The following ERCC6L2 variants were observed in gnomAD, a reference collection of about 807,000 sequenced individuals.
The protein encoded by ERCC6L2 is ERCC excision repair 6 like 2.
In ERCC6L2, 77 loss-of-function variants were observed where a neutral mutation model predicts 132.0. That is an observed-to-expected ratio of 0.58 (90% CI 0.49 to 0.71). The LOEUF (loss-of-function observed/expected upper bound fraction) is 0.71, where lower values mean the gene tolerates loss of function less well. Among genes scored for constraint, ERCC6L2 ranks in the 30% least tolerant of loss-of-function variants. The probability of loss-of-function intolerance (pLI) is 0.00; values close to 1 mark genes in which losing one functional copy is unlikely to be tolerated. For synonymous variants in ERCC6L2, 583 were observed against 632.4 expected (o/e 0.92, Z 1.17); for missense variants, 1,542 against 1,837.6 (o/e 0.84, Z 2.94).
In ERCC6L2 at chr9:96,001,765, A is replaced by G. The variant is rs180678648; in HGVS notation, c.3493-2755A>G. Among the ~76,000 whole-genome samples the G allele has an allele frequency of 6.8e-3, 1,030 of 152,352 alleles. 7 individuals are homozygous for G. Among genetic ancestry groups the G allele is most frequent in the Non-Finnish European group, 0.011 (722 of 68,024 alleles). On this transcript the variant is annotated intron_variant, in intron 17 of 18. Transcript: ENST00000653738. ...TTGATGGGACTGGGCGCCGTGGAGC[A>G]GGGGGTGGCGCTCGTCGGGGAGGCT...
At position 96,012,851 on chromosome 9, in the gene ERCC6L2, C is replaced by G. The variant is rs1834079671; in HGVS notation, c.4301C>G (p.Ser1434Cys). ...KIENPVLENT[S>C]VISLLGDTSI... ...GAAAATCCAGTGCTGGAAAATACTT[C>G]TGTGATAAGCTTACTTGGTGATACC... Residue 1434 changes from serine to cysteine, a missense_variant, in exon 19 of 19, where the codon TCT becomes TGT. Physicochemically the swap from Ser to Cys is moderately radical, Grantham distance 112 (BLOSUM62 -1). This residue lies in a region of ERCC6L2 where 442 missense variants were observed against 583.4 expected (regional missense o/e 0.76). Coordinates refer to ENST00000653738, the MANE Select transcript of ERCC6L2 (RefSeq NM_020207.7). 1.5e-6 allele frequency: 2 copies of G among 1,367,478 alleles called. No homozygotes were observed. Among genetic ancestry groups the G allele is most frequent in the Non-Finnish European group, 2.0e-6 (2 of 1,021,842 alleles). 84.7% of individuals were successfully genotyped at this position (1,367,478 alleles called of 1,614,324 possible).
At chr9:96,027,282 G>C (rs555663819) in intron 19 of ERCC6L2, among the ~76,000 whole-genome samples, 83 of 152,232 alleles carry the variant, frequency 5.5e-4, no homozygotes, top group African/African-American at 1.9e-3. Flanking sequence ...TCTAGTTCCC[G>C]GCAAAGCAGG....
At chr9:95,919,233 A>G (rs759741506) in intron 6 of ERCC6L2, among the ~76,000 whole-genome samples, 1 of 152,224 alleles carries the variant, frequency 6.6e-6, no homozygotes, top group African/African-American at 2.4e-5. Context: ...GCATTGTTTT[A>G]TAGAGACATT....
intron 17 of ERCC6L2, among the ~76,000 whole-genome samples, chr9:95,996,594 T>C (rs1284918200): frequency 1.3e-5 from 2 of 152,190 alleles, no homozygotes; most frequent in Non-Finnish European, 2.9e-5. Context: ...AGCTGGGGAC[T>C]TTAAGTAGAA....
intron 13 of ERCC6L2, among the ~76,000 whole-genome samples, chr9:95,960,789 C>T (rs1338179374): frequency 3.9e-5 from 6 of 152,136 alleles, no homozygotes; most frequent in Admixed American, 3.9e-4. Context: ...CGTGCTACCA[C>T]ACCAAGCCAA....
intron 18 of ERCC6L2, among the ~76,000 whole-genome samples, chr9:96,008,020 G>C (rs951699189): frequency 1.3e-5 from 2 of 152,158 alleles, no homozygotes; most frequent in Non-Finnish European, 2.9e-5. Flanking sequence ...TGCAGTTGCA[G>C]AGAAAGGTGA....
At chr9:95,908,558 A>T (rs73534648) in intron 4 of ERCC6L2, among the ~76,000 whole-genome samples, 3,184 of 152,300 alleles carry the variant, frequency 0.021, 120 homozygotes, top group African/African-American at 0.074. Flanking sequence ...AAACCAATAC[A>T]AGGCTTTTAT....
chr9:95,999,056 T>C (rs1265451293), intron 17 of ERCC6L2, among the ~76,000 whole-genome samples: 1 of 152,164 alleles, frequency 6.6e-6, no homozygotes. Flanking sequence ...ATTGAGCCCA[T>C]GTTAAATAAG....
rs1046316490 is a variant in ERCC6L2, at chr9:96,013,633, T to A, written c.*430T>A. On this transcript the variant is annotated 3_prime_UTR_variant, in exon 19 of 19. Transcript: ENST00000653738. Reference sequence around the variant, plus strand: ...AATGGCTCATAGGCTGAATCATGTCTGCCCCTCAAATCAGGTGTATACCAA... The same window carrying A: ...AATGGCTCATAGGCTGAATCATGTCAGCCCCTCAAATCAGGTGTATACCAA... 4 of 155,850 alleles carry A rather than the reference T, an allele frequency of 2.6e-5. No homozygotes were observed. Among genetic ancestry groups the A allele is most frequent in the African/African-American group, 9.6e-5 (4 of 41,466 alleles). The allele number at this position is 155,850 out of a possible 1,614,324, so 9.7% of individuals were successfully genotyped here. A position where few individuals can be genotyped will look rare whatever the true frequency, so the allele number is the denominator to read the frequency against.
In ERCC6L2 at chr9:95,987,923, A is replaced by T. The variant is rs550349078; in HGVS notation, c.3492+9708A>T. Among the ~76,000 whole-genome samples the T allele has an allele frequency of 2.4e-3, 358 of 152,228 alleles. 2 individuals carry two copies. Among genetic ancestry groups the T allele is most frequent in the Middle Eastern group, 0.01 (3 of 294 alleles). ...GATGGTTCCCAAACCTCAGTTCTTG[A>T]CTTCTGTGCACCCATAGGCTCAACA... On this transcript the variant is annotated intron_variant, in intron 17 of 18. Coordinates refer to ENST00000653738, the MANE Select transcript of ERCC6L2 (RefSeq NM_020207.7).
chr9:95,966,680 C>T lies in ERCC6L2; in HGVS notation c.2066C>T (p.Ser689Phe), dbSNP rs775934318. The change falls in exon 14 of 19, where the codon TCC (serine) becomes TTC (phenylalanine). Residue 689 changes from serine to phenylalanine, a missense_variant. Physicochemically the swap from Ser to Phe is radical, Grantham distance 155 (BLOSUM62 -2). Coordinates refer to ENST00000653738, the MANE Select transcript of ERCC6L2 (RefSeq NM_020207.7). The part of the protein sequence containing the change: ...FGIHNLFKFR[S>F]QGSCLTKDIL... ...ATCCATAACCTCTTCAAATTTAGGT[C>T]CCAAGGGTCTTGTCTTACGAAGGAC... 1.3e-6 allele frequency: 2 copies of T among 1,503,352 alleles called. No homozygotes were observed. Among genetic ancestry groups the T allele is most frequent in the Non-Finnish European group, 1.8e-6 (2 of 1,105,956 alleles). 93.1% of individuals were successfully genotyped at this position (1,503,352 alleles called of 1,614,324 possible).
intron 1 of ERCC6L2, among the ~76,000 whole-genome samples, chr9:95,880,574 GAATCACTAGA>G (rs1340205722): frequency 3.3e-5 from 5 of 152,112 alleles, no homozygotes; most frequent in African/African-American, 1.2e-4. Flanking sequence ...CACTGAATAA[GAATCACTAGA>G]GGTGGTGTCT....
chr9:96,013,592 T>C lies in ERCC6L2; in HGVS notation c.*389T>C, dbSNP rs1201930809. On this transcript the variant is annotated 3_prime_UTR_variant, in exon 19 of 19. Coordinates refer to ENST00000653738, the MANE Select transcript of ERCC6L2 (RefSeq NM_020207.7). ...GAGTGTCCTTCCAGTTTAAAAAAGC[T>C]TTGCTTCGCTCTCCTAATGGCTCAT... 6.2e-6 allele frequency: 1 copy of C among 160,836 alleles called. No homozygotes were observed. The highest frequency in any genetic ancestry group is 1.4e-5 in the Non-Finnish European group (1 of 73,012). 10.0% of individuals were successfully genotyped at this position (160,836 alleles called of 1,614,324 possible).
rs1834077653 is a variant in ERCC6L2, at chr9:96,012,808, T to C, written c.4258T>C (p.Leu1420=). ...TTCAAGAAAAGAACCCCTTCTCAAA[T>C]TGGAAAACAAAAAGATAGAAAATCC... The part of the protein sequence containing the change: ...GISRKEPLLK[L]ENKKIENPVL... Residue 1420 remains leucine, a synonymous_variant, in exon 19 of 19, where the codon TTG becomes CTG. Coordinates refer to ENST00000653738, the MANE Select transcript of ERCC6L2 (RefSeq NM_020207.7). 2 of 1,367,512 alleles carry C rather than the reference T, an allele frequency of 1.5e-6. No homozygotes were observed. The highest frequency in any genetic ancestry group is 9.8e-7 in the Non-Finnish European group (1 of 1,021,818). 84.7% of individuals were successfully genotyped at this position (1,367,512 alleles called of 1,614,324 possible).
chr9:96,033,247 GGTT>G (rs1189811937), intron 19 of ERCC6L2, among the ~76,000 whole-genome samples: 1 of 121,382 alleles, frequency 8.2e-6, no homozygotes, highest in East Asian at 2.9e-4. Context: ...AATGATTCTG[GGTT>G]GTTTTTTTTT....
chr9:95,880,335 G>C (rs1358478749), intron 1 of ERCC6L2, among the ~76,000 whole-genome samples: 2 of 152,156 alleles, frequency 1.3e-5, no homozygotes, highest in African/African-American at 4.8e-5. Flanking sequence ...AAAAAAGACA[G>C]ATGAACCACA....
At position 96,017,462 on chromosome 9, in the gene ERCC6L2, T is replaced by A. The variant is rs955750953; in HGVS notation, c.*4259T>A. Among the ~76,000 whole-genome samples the A allele has an allele frequency of 1.3e-5, 2 of 152,112 alleles. No individual in the cohort carries two copies. Among genetic ancestry groups the A allele is most frequent in the Non-Finnish European group, 2.9e-5 (2 of 67,990 alleles). ...GGTTCCCAGCCCCAAGGGTAGCAAG[T>A]CAGAACCTCCGGAGAGGCTTTTAAG... On this transcript the variant is annotated 3_prime_UTR_variant, in exon 19 of 19. Transcript: ENST00000653738.
At position 95,897,955 on chromosome 9, in the gene ERCC6L2, C is replaced by A. The variant is rs751247643; in HGVS notation, c.578C>A (p.Ser193Tyr). Reference protein sequence around the residue: ...LLRSMKKEPLSSTAKKMFLIV... With the variant: ...LLRSMKKEPLYSTAKKMFLIV... ...AGAAGTATGAAAAAGGAACCCCTTT[C>A]TTCTACAGCAAAAAAGGTAAAATCT... is the stretch of plus-strand genomic sequence containing the variant. Residue 193 changes from serine to tyrosine, a missense_variant, in exon 3 of 19, where the codon TCT (serine) becomes TAT (tyrosine). Ser to Tyr is a moderately radical substitution (Grantham distance 144). Around this residue, in one of 4 missense-constraint regions of ERCC6L2, gnomAD observed 945 missense variants for 1,105.2 expected, o/e 0.86. Transcript: ENST00000653738. The A allele has an allele frequency of 1.9e-6, 3 of 1,608,676 alleles. No homozygotes were observed. Among genetic ancestry groups the A allele is most frequent in the South Asian group, 2.2e-5 (2 of 90,382 alleles).
At chr9:95,936,405 GCT>G (rs1037759479) in intron 11 of ERCC6L2, among the ~76,000 whole-genome samples, 31 of 152,216 alleles carry the variant, frequency 2.0e-4, no homozygotes, top group Admixed American at 1.7e-3. Flanking sequence ...GTAACTCTTG[GCT>G]CTCTCTGTAT....
Sources: gnomAD v4.1 joint callset for allele counts (sites outside exome capture counted in the v4.1 genomes callset) on GRCh38, gnomAD v4.1.1 for gene constraint, gnomAD v4.1.1 regional missense constraint, MANE v1.5 for transcripts, NCBI Gene and HGNC (gene_info 2026-07-23, HGNC 2026-07-21) for gene names.